The following MTMR7 variants were observed in gnomAD, a reference collection of about 807,000 sequenced individuals.
MTMR7 encodes the protein myotubularin related protein 7.
In MTMR7, 76 loss-of-function variants were observed where a neutral mutation model predicts 81.2. The ratio of observed to expected loss-of-function variants is 0.94; its 90% CI spans 0.78 to 1.13. MTMR7 has a LOEUF of 1.13. Among genes scored for constraint, MTMR7 ranks in the 50% most tolerant of loss-of-function variants. The pLI, the probability that MTMR7 is intolerant of heterozygous loss-of-function variation, is 0.00. For synonymous variants in MTMR7, 372 were observed against 289.8 expected, an observed-to-expected ratio of 1.28 and a Z score of -2.88; for missense variants, 1,044 against 820.0, an observed-to-expected ratio of 1.27 and a Z score of -3.34.
chr8:17,413,125 C>G (rs1821781672), intron 1 of MTMR7, 144 bp downstream of exon 1: 3 of 927,848 alleles, frequency 3.2e-6, no homozygotes, highest in African/African-American at 1.6e-5. Flanking sequence ...CCGGGATGCT[C>G]AGGCAATGCC....
intron 4 of MTMR7, among the ~76,000 whole-genome samples, chr8:17,356,431 T>C (rs1161405013): frequency 3.9e-5 from 6 of 152,096 alleles, no homozygotes; most frequent in African/African-American, 1.4e-4. Context: ...CCAGGCATGG[T>C]GGCTTGCCTG....
intron 1 of MTMR7, among the ~76,000 whole-genome samples, chr8:17,407,798 T>C (rs191522042): frequency 6.6e-6 from 1 of 152,298 alleles, no homozygotes; most frequent in Admixed American, 6.5e-5. Context: ...ATGTAGTCCA[T>C]ATTACTTTTA....
chr8:17,303,034 C>CA (rs1817231918), intron 12 of MTMR7, among the ~76,000 whole-genome samples: 1 of 151,936 alleles, frequency 6.6e-6, no homozygotes, highest in African/African-American at 2.4e-5. Flanking sequence ...TTATCCTACA[C>CA]AAAAAAGCAA....
intron 4 of MTMR7, chr8:17,349,303 C>G (rs1314731146): frequency 2.1e-6 from 1 of 470,270 alleles, no homozygotes; most frequent in Non-Finnish European, 3.9e-6. Flanking sequence ...CCTTAGTGTT[C>G]TGTCCCCGTG....
At chr8:17,391,221 G>A (rs777519807) in intron 1 of MTMR7, among the ~76,000 whole-genome samples, 12 of 152,066 alleles carry the variant, frequency 7.9e-5, no homozygotes, top group Non-Finnish European at 1.6e-4. Context: ...AGGGCCTGCC[G>A]GGACAACGTT....
In MTMR7 at chr8:17,297,327, T is replaced by C. The variant is rs1816742002; in HGVS notation, c.*2535A>G. 2.0e-5 allele frequency: 3 copies of C among 151,878 alleles called. No homozygotes were observed. Among genetic ancestry groups the C allele is most frequent in the African/African-American group, 4.8e-5 (2 of 41,502 alleles). The allele number at this position is 151,878 out of a possible 1,614,324, so 9.4% of individuals were successfully genotyped here. On this transcript the variant is annotated 3_prime_UTR_variant, in exon 14 of 14. Transcript: ENST00000180173. ...AGACCCACTTCAAAGTTGAAAGAAA[T>C]TTCTAGGCATAAATTGAGACTAGGA...
chr8:17,348,383 C>G (rs1819625555), intron 5 of MTMR7, among the ~76,000 whole-genome samples: 1 of 141,648 alleles, frequency 7.1e-6, no homozygotes, highest in Non-Finnish European at 1.5e-5. Flanking sequence ...ACTAAAAATA[C>G]AAAAAAAAAA....
At position 17,371,103 on chromosome 8, in the gene MTMR7, G is replaced by C. The variant is rs1362823329; in HGVS notation, c.244C>G (p.Leu82Val). The change falls in exon 3 of 14, where the codon CTC (leucine) becomes GTC (valine). Residue 82 changes from leucine (L) to valine (V), a missense_variant. Leu to Val is a conservative substitution (Grantham distance 32). Transcript: ENST00000180173. ...CAATCTCTTTCCTGAGGTATGATGAGCTGTATTATCTGAAAGTTCTTGCAG... is the reference window on the plus strand; with the variant it reads ...CAATCTCTTTCCTGAGGTATGATGACCTGTATTATCTGAAAGTTCTTGCAG... ...IRCKNFQIIQLIIPQERDCHD... is the reference protein window; with the variant it reads ...IRCKNFQIIQVIIPQERDCHD... The C allele has an allele frequency of 3.1e-6, 5 of 1,614,216 alleles. No homozygotes were observed. Among genetic ancestry groups the C allele is most frequent in the Non-Finnish European group, 4.2e-6 (5 of 1,180,026 alleles).
chr8:17,366,372 A>G (rs1820224760), intron 3 of MTMR7, among the ~76,000 whole-genome samples: 1 of 152,224 alleles, frequency 6.6e-6, no homozygotes, highest in Admixed American at 6.5e-5. Context: ...AACTGGGAGA[A>G]GCAATAAATA....
chr8:17,401,853 T>C (rs1028030600), intron 1 of MTMR7, among the ~76,000 whole-genome samples: 1 of 152,124 alleles, frequency 6.6e-6, no homozygotes, highest in African/African-American at 2.4e-5. Context: ...AGGTACCTAT[T>C]AGATATACAA....
chr8:17,312,124 A>G (rs1196194800), intron 8 of MTMR7, among the ~76,000 whole-genome samples: 1 of 152,264 alleles, frequency 6.6e-6, no homozygotes, highest in Non-Finnish European at 1.5e-5. Context: ...AAATGACACC[A>G]GAAAATCTCC....
At chr8:17,363,293 G>C (rs1226853490) in intron 3 of MTMR7, among the ~76,000 whole-genome samples, 1 of 152,204 alleles carries the variant, frequency 6.6e-6, no homozygotes, top group Non-Finnish European at 1.5e-5. Context: ...AGTTGTTTAG[G>C]ATGCCAAAGG....
At chr8:17,354,366 A>C (rs76200408) in intron 4 of MTMR7, among the ~76,000 whole-genome samples, 10,245 of 152,272 alleles carry the variant, frequency 0.067, 1,039 homozygotes, top group African/African-American at 0.22. Flanking sequence ...ATTTTATTCC[A>C]AGAGAGTTAG....
intron 7 of MTMR7, among the ~76,000 whole-genome samples, chr8:17,322,664 A>G (rs1818455006): frequency 6.6e-6 from 1 of 152,132 alleles, no homozygotes; most frequent in Non-Finnish European, 1.5e-5. Flanking sequence ...TACAAAAAAT[A>G]AAAATAAAAA....
intron 5 of MTMR7, among the ~76,000 whole-genome samples, chr8:17,347,312 AAAG>A (rs1464598173): frequency 2.0e-5 from 3 of 152,236 alleles, no homozygotes; most frequent in Non-Finnish European, 2.9e-5. Flanking sequence ...AAGGCTAGGA[AAAG>A]AAGAAGAGCA....
In MTMR7 at chr8:17,311,540, G is replaced by A. The variant is rs1400105519; in HGVS notation, c.1072C>T (p.Pro358Ser). The A allele has an allele frequency of 6.2e-7, 1 of 1,614,000 alleles. No homozygotes were observed. Among genetic ancestry groups the A allele is most frequent in the East Asian group, 2.2e-5 (1 of 44,860 alleles). ...VCSVASLLLDPHYRTLKGFMV... is the reference protein window; with the variant it reads ...VCSVASLLLDSHYRTLKGFMV... The stretch of plus-strand genomic sequence containing the variant: ...AAGCCCTTCAGAGTCCGGTAGTGAG[G>A]GTCCAGCAGCAGGCTTGCCACCGAG... The change falls in exon 9 of 14, where the codon CCT becomes TCT. Residue 358 changes from proline to serine, a missense_variant. Physicochemically the swap from Pro to Ser is moderately conservative, Grantham distance 74 (BLOSUM62 -1). Transcript: ENST00000180173.
intron 4 of MTMR7, among the ~76,000 whole-genome samples, chr8:17,353,705 G>A (rs766742507): frequency 1.3e-5 from 2 of 152,278 alleles, no homozygotes; most frequent in Admixed American, 6.5e-5. Flanking sequence ...TTCTTTACAT[G>A]CACTCTGCCT....
chr8:17,372,565 G>A (rs772533700), intron 2 of MTMR7, among the ~76,000 whole-genome samples: 7 of 151,996 alleles, frequency 4.6e-5, no homozygotes, highest in Non-Finnish European at 1.0e-4. Context: ...TCCAGCCTGG[G>A]CAACAGAGTA....
chr8:17,362,096 AAATAT>A (rs1192315926), intron 3 of MTMR7, among the ~76,000 whole-genome samples: 1 of 152,226 alleles, frequency 6.6e-6, no homozygotes, highest in Non-Finnish European at 1.5e-5. Context: ...TATCCAACAG[AAATAT>A]AATGTGAGCT....
Sources: gnomAD v4.1 joint callset for allele counts (sites outside exome capture counted in the v4.1 genomes callset) on GRCh38, gnomAD v4.1.1 for gene constraint, MANE v1.5 for transcripts, NCBI Gene and HGNC (gene_info 2026-07-23, HGNC 2026-07-21) for gene names.